Variants in ATP5F1C observed in about 807,000 individuals in gnomAD.
The protein encoded by ATP5F1C is ATP synthase F1 subunit gamma.
In ATP5F1C, 22 loss-of-function variants were observed where a neutral mutation model predicts 37.4. That is an observed-to-expected ratio of 0.59 (90% CI 0.42 to 0.84). The LOEUF (loss-of-function observed/expected upper bound fraction) is 0.84. Among genes scored for constraint, ATP5F1C ranks in the 40% least tolerant of loss-of-function variants. The probability of loss-of-function intolerance (pLI) is 0.00; values close to 1 mark genes in which losing one functional copy is unlikely to be tolerated. For synonymous variants in ATP5F1C, 121 were observed against 128.0 expected, an observed-to-expected ratio of 0.95 and a Z score of 0.37; for missense variants, 286 against 362.4, an observed-to-expected ratio of 0.79 and a Z score of 1.71.
chr10:7,793,541 GTTT>G (rs1836194290), intron 1 of ATP5F1C, among the ~76,000 whole-genome samples: 1 of 152,168 alleles, frequency 6.6e-6, no homozygotes, highest in African/African-American at 2.4e-5. Context: ...TCAGAGATGA[GTTT>G]TAGAAATATT....
chr10:7,796,252 A>ATTTGGTCAGT, intron 2 of ATP5F1C, 97 bp downstream of exon 2: 1 of 1,094,586 alleles, frequency 9.1e-7, no homozygotes, highest in Non-Finnish European at 1.3e-6. Context: ...CCCATTGTGT[A>ATTTGGTCAGT]TTTGATCAAA....
At chr10:7,803,002 TGTG>T (rs1272698405) in intron 8 of ATP5F1C, 148 bp downstream of exon 8, 2 of 609,906 alleles carry the variant, frequency 3.3e-6, no homozygotes, top group East Asian at 3.1e-5. Flanking sequence ...GCTATAAAGA[TGTG>T]GTAAAAATGG....
intron 1 of ATP5F1C, among the ~76,000 whole-genome samples, 195 bp downstream of exon 1, chr10:7,788,458 G>C (rs907848599): frequency 1.3e-5 from 2 of 152,220 alleles, no homozygotes; most frequent in African/African-American, 4.8e-5. Context: ...GCGCAGGGCC[G>C]GGCTCCGGCG....
chr10:7,800,203 G>A, intron 6 of ATP5F1C, 112 bp downstream of exon 6: 3 of 1,156,856 alleles, frequency 2.6e-6, no homozygotes, highest in Non-Finnish European at 3.8e-6. Context: ...ATGATTTGGG[G>A]CTGTTTCTTT....
intron 1 of ATP5F1C, among the ~76,000 whole-genome samples, chr10:7,794,297 A>G (rs1451447764): frequency 6.6e-6 from 1 of 152,196 alleles, no homozygotes; most frequent in African/African-American, 2.4e-5. Flanking sequence ...TTCTACATAG[A>G]TAATCATGTC....
At chr10:7,803,186 A>C (rs1459506126) in intron 8 of ATP5F1C, among the ~76,000 whole-genome samples, 1 of 152,206 alleles carries the variant, frequency 6.6e-6, no homozygotes, top group Non-Finnish European at 1.5e-5. Context: ...CTAGTTTCAG[A>C]TTTGGTTTTA....
At chr10:7,804,531 C>G (rs940021259) in intron 8 of ATP5F1C, among the ~76,000 whole-genome samples, 1 of 152,204 alleles carries the variant, frequency 6.6e-6, no homozygotes, top group African/African-American at 2.4e-5. Flanking sequence ...CCTGTGTATC[C>G]TTCCTTACTC....
intron 3 of ATP5F1C, among the ~76,000 whole-genome samples, chr10:7,798,139 CCCT>C (rs756749474): frequency 1.8e-4 from 27 of 152,038 alleles, no homozygotes; most frequent in Non-Finnish European, 3.2e-4. Context: ...GCAGTGAACC[CCCT>C]ATTTATCTAC....
chr10:7,796,077 TA>T, intron 1 of ATP5F1C, 43 bp from the exon 2 acceptor site: 1 of 1,506,448 alleles, frequency 6.6e-7, no homozygotes, highest in Non-Finnish European at 9.0e-7. Flanking sequence ...ATAATGGAAC[TA>T]TTTTTCAAAA....
intron 2 of ATP5F1C, 43 bp downstream of exon 2, chr10:7,796,198 A>G (rs1253689148): frequency 6.7e-7 from 1 of 1,495,796 alleles, no homozygotes; most frequent in Admixed American, 2.2e-5. Context: ...GAGAAAAACT[A>G]AATTTTGACA....
chr10:7,788,296 G>T (rs1326568722), intron 1 of ATP5F1C, 33 bp downstream of exon 1: 4 of 1,608,390 alleles, frequency 2.5e-6, no homozygotes, highest in African/African-American at 1.3e-5. Context: ...CGGCAGGACC[G>T]CAAGGGATGG....
intron 9 of ATP5F1C, among the ~76,000 whole-genome samples, 156 bp downstream of exon 9, chr10:7,807,166 G>A (rs1260678968): frequency 1.3e-5 from 2 of 152,180 alleles, no homozygotes; most frequent in African/African-American, 2.4e-5. Flanking sequence ...CCTGGGCAAC[G>A]CTAGTGGACT....
chr10:7,795,402 CATT>C, intron 1 of ATP5F1C, among the ~76,000 whole-genome samples: 1 of 152,248 alleles, frequency 6.6e-6, no homozygotes, highest in South Asian at 2.1e-4. Flanking sequence ...TGTCTTCCCC[CATT>C]AGGCCAGGAA....
chr10:7,798,927 T>C, intron 3 of ATP5F1C, 63 bp from the exon 4 acceptor site: 6 of 1,457,306 alleles, frequency 4.1e-6, no homozygotes, highest in Non-Finnish European at 5.7e-6. Context: ...CTTTGTAAAT[T>C]AGAGATTTAT....
chr10:7,806,594 C>G (rs1011296603), intron 8 of ATP5F1C, among the ~76,000 whole-genome samples: 1 of 150,162 alleles, frequency 6.7e-6, no homozygotes, highest in African/African-American at 2.5e-5. Flanking sequence ...GAGGAGGTTG[C>G]AGTGAGCTGA....
rs755234623 is a variant in ATP5F1C at position 7,788,181 on chromosome 10, C to T, written c.-27C>T. 3.1e-6 allele frequency: 5 copies of T among 1,612,200 alleles called. No homozygotes were observed. On this transcript the variant is annotated 5_prime_UTR_variant, in exon 1 of 10. Transcript: ENST00000356708. ...CGCATGCGCGCTGAGGCCTGCCTGA[C>T]CGACCTTCAGCAGGGCTGTGGCTAC...
chr10:7,801,323 A>G (rs895472936), intron 6 of ATP5F1C, among the ~76,000 whole-genome samples: 3 of 152,380 alleles, frequency 2.0e-5, no homozygotes, highest in African/African-American at 7.2e-5. Flanking sequence ...AGTAGGTGTT[A>G]CAACCAGTAC....
At position 7,806,994 on chromosome 10, in the gene ATP5F1C, C is replaced by T; in HGVS notation, c.*14C>T. On this transcript the variant is annotated 3_prime_UTR_variant, in exon 9 of 10. Transcript: ENST00000356708. ...ACCAGGGATTAATGAAAATCAAGTTCCATCCTCAGACAAGAGGTAAAGTTC... is the reference window on the plus strand; with the variant it reads ...ACCAGGGATTAATGAAAATCAAGTTTCATCCTCAGACAAGAGGTAAAGTTC... 1 of 1,612,118 alleles carries T rather than the reference C, an allele frequency of 6.2e-7. No individual in the cohort carries two copies. Among genetic ancestry groups the T allele is most frequent in the Non-Finnish European group, 8.5e-7 (1 of 1,178,540 alleles).
intron 1 of ATP5F1C, among the ~76,000 whole-genome samples, chr10:7,792,362 G>A (rs561200489): frequency 1.7e-3 from 265 of 152,288 alleles, no homozygotes; most frequent in African/African-American, 5.8e-3. Context: ...TATAGCCTGG[G>A]TGAGGGGAGT....
Sources: allele counts gnomAD v4.1 joint callset (sites outside exome capture counted in the v4.1 genomes callset), GRCh38; gene constraint gnomAD v4.1.1; transcripts MANE v1.5; gene names NCBI Gene and HGNC (gene_info 2026-07-23, HGNC 2026-07-21).